Variants in GOLIM4 observed in about 807,000 individuals in gnomAD.
GOLIM4 encodes the protein golgi integral membrane protein 4, also known as 130 kDa golgi-localized phosphoprotein.
Under a neutral mutation model 107.4 loss-of-function variants are expected in GOLIM4, and 71 were observed. That is an observed-to-expected ratio of 0.66 (90% CI 0.55 to 0.81). The LOEUF (loss-of-function observed/expected upper bound fraction) is 0.81, where lower values mean the gene tolerates loss of function less well. GOLIM4 is among the 30% of genes least tolerant of loss of function. The pLI, the probability that GOLIM4 is intolerant of heterozygous loss-of-function variation, is 0.00. For synonymous variants in GOLIM4, 327 were observed against 294.8 expected (o/e 1.11, Z -1.12); for missense variants, 830 against 826.1 (o/e 1.00, Z -0.06).
intron 1 of GOLIM4, among the ~76,000 whole-genome samples, chr3:168,073,024 T>G (rs1720911924): frequency 6.6e-6 from 1 of 152,234 alleles, no homozygotes; most frequent in African/African-American, 2.4e-5. Context: ...CTAATTTTTT[T>G]GTTGTTGCTA....
chr3:168,085,786 C>T (rs1039367299), intron 1 of GOLIM4, among the ~76,000 whole-genome samples: 1 of 152,130 alleles, frequency 6.6e-6, no homozygotes, highest in Non-Finnish European at 1.5e-5. Context: ...ACTTCAAATT[C>T]CTATTGACAG....
At chr3:168,033,625 AAAAAAAAAAAAAAAAAG>A (rs1420178771) in intron 8 of GOLIM4, among the ~76,000 whole-genome samples, 3 of 145,926 alleles carry the variant, frequency 2.1e-5, no homozygotes, top group Non-Finnish European at 3.0e-5. Flanking sequence ...AAAAAAAAAA[AAAAAAAAAAAAAAAAAG>A]AATGCCATTA....
chr3:168,090,647 A>T (rs1362054321), intron 1 of GOLIM4, among the ~76,000 whole-genome samples: 1 of 147,368 alleles, frequency 6.8e-6, no homozygotes, highest in African/African-American at 2.6e-5. Context: ...GCTACCATTC[A>T]CTCCAGCAAT....
intron 14 of GOLIM4, among the ~76,000 whole-genome samples, chr3:168,017,363 C>T (rs1321213797): frequency 1.3e-5 from 2 of 152,064 alleles, no homozygotes; most frequent in East Asian, 1.9e-4. Context: ...TAGTGGTGCA[C>T]GCCTGTAGTC....
chr3:168,081,223 G>C lies in GOLIM4; in HGVS notation c.187+13876C>G, dbSNP rs534673059. Reference sequence around the variant, plus strand: ...TGCCAGAGATATTAACAAAGAGAAAGGGTAGTGAAGCTGAATTCTCCCCAG... The same window carrying C: ...TGCCAGAGATATTAACAAAGAGAAACGGTAGTGAAGCTGAATTCTCCCCAG... On this transcript the variant is annotated intron_variant, in intron 1 of 15. Transcript: ENST00000470487. Among the ~76,000 whole-genome samples, 6 of 152,272 alleles carry C rather than the reference G, an allele frequency of 3.9e-5. No individual in the cohort carries two copies. In the East Asian group the frequency reaches 1.2e-3, roughly 29 times the overall value.
chr3:168,077,968 G>A (rs1172716709), intron 1 of GOLIM4, among the ~76,000 whole-genome samples: 1 of 151,864 alleles, frequency 6.6e-6, no homozygotes, highest in Admixed American at 6.6e-5. Flanking sequence ...ATATACTCTA[G>A]ATATATTTAT....
At chr3:168,025,778 T>C (rs1477288338) in intron 12 of GOLIM4, among the ~76,000 whole-genome samples, 1 of 152,168 alleles carries the variant, frequency 6.6e-6, no homozygotes, top group African/African-American at 2.4e-5. Context: ...TTATGAAAAA[T>C]GTCCTCCCAA....
chr3:168,047,266 A>G (rs925078990), intron 2 of GOLIM4, among the ~76,000 whole-genome samples: 1 of 152,230 alleles, frequency 6.6e-6, no homozygotes, highest in African/African-American at 2.4e-5. Context: ...CTTTTAGAAT[A>G]TCTCTGATTA....
At chr3:168,041,187 C>T in intron 6 of GOLIM4, 1 of 529,416 alleles carries the variant, frequency 1.9e-6, no homozygotes, top group Middle Eastern at 4.9e-4. Flanking sequence ...AATTTCAGTA[C>T]TAATGAGAAT....
At chr3:168,066,510 A>G (rs1418618821) in intron 1 of GOLIM4, among the ~76,000 whole-genome samples, 1 of 152,166 alleles carries the variant, frequency 6.6e-6, no homozygotes, top group Non-Finnish European at 1.5e-5. Flanking sequence ...CAGTTATTCC[A>G]CTAAAGATCT....
chr3:168,020,304 C>T, intron 14 of GOLIM4, among the ~76,000 whole-genome samples: 1 of 152,084 alleles, frequency 6.6e-6, no homozygotes, highest in East Asian at 1.9e-4. Context: ...CATATATACA[C>T]AGATAGGAGT....
At chr3:168,046,826 G>T in intron 3 of GOLIM4, 124 bp downstream of exon 3, 2 of 465,464 alleles carry the variant, frequency 4.3e-6, no homozygotes, top group Non-Finnish European at 3.8e-6. Context: ...AAAAGGGGGT[G>T]TCAGTCCTAT....
In GOLIM4 at chr3:168,095,102, G is replaced by C; in HGVS notation, c.184C>G (p.Gln62Glu). ...QHQESLSAQLQVVYEHRSRLE... is the reference protein window; with the variant it reads ...QHQESLSAQLEVVYEHRSRLE... Reference sequence around the variant, plus strand: ...GCGCGCGTCCCGTTAGCCGTACCTTGTAACTGGGCGGAGAGGGACTCCTGG... The same window carrying C: ...GCGCGCGTCCCGTTAGCCGTACCTTCTAACTGGGCGGAGAGGGACTCCTGG... The change falls in exon 1 of 16, where the codon CAA (glutamine) becomes GAA (glutamate). Residue 62 changes from glutamine to glutamate, a missense_variant. Gln to Glu is a conservative substitution (Grantham distance 29). Transcript: ENST00000470487. 1 of 1,599,158 alleles carries C rather than the reference G, an allele frequency of 6.3e-7. No individual in the cohort carries two copies. The highest frequency in any genetic ancestry group is 1.3e-5 in the African/African-American group (1 of 74,634).
chr3:168,020,857 C>CCT (rs1717640256), intron 14 of GOLIM4, among the ~76,000 whole-genome samples: 2 of 152,152 alleles, frequency 1.3e-5, no homozygotes, highest in South Asian at 4.1e-4. Context: ...TGTAAAGGAA[C>CCT]AAAATGATAT....
chr3:168,087,991 T>C (rs1721712015), intron 1 of GOLIM4, among the ~76,000 whole-genome samples: 2 of 152,224 alleles, frequency 1.3e-5, no homozygotes, highest in East Asian at 3.8e-4. Context: ...ATATAGTTTA[T>C]CATTTTTCTT....
intron 1 of GOLIM4, among the ~76,000 whole-genome samples, chr3:168,092,751 C>T (rs1176389569): frequency 6.6e-6 from 1 of 152,074 alleles, no homozygotes; most frequent in African/African-American, 2.4e-5. Flanking sequence ...AAAAGGGAAG[C>T]AAAAGTTGCA....
Position 168,046,584 on chromosome 3 carries a change from T to C in GOLIM4, c.312+366A>G, listed in dbSNP as rs140213126. 9.0e-3 allele frequency among the ~76,000 whole-genome samples: 1,365 copies of C among 152,322 alleles called. 18 individuals carry two copies. Among genetic ancestry groups the C allele is most frequent in the African/African-American group, 0.031 (1,304 of 41,564 alleles). On this transcript the variant is annotated intron_variant, in intron 3 of 15. Coordinates refer to ENST00000470487, the MANE Select transcript of GOLIM4 (RefSeq NM_014498.5). ...CCTTCACCCATTCCACAAATGTTCT[T>C]AAATGAAAACTCTAGGCCAGGTCCT...
rs1218000582 is a variant in GOLIM4 at position 168,016,409 on chromosome 3, T to A, written c.1861-5586A>T. Among the ~76,000 whole-genome samples, 4 of 130,602 alleles carry A rather than the reference T, an allele frequency of 3.1e-5. 1 individual carries two copies. 85.7% of individuals were successfully genotyped at this position (130,602 alleles called of 152,430 possible). A position where few individuals can be genotyped will look rare whatever the true frequency, so the allele number is the denominator to read the frequency against. Reference sequence around the variant, plus strand: ...AGGAAACAACAGGTGCTGGAGAGGATGTGGAGAAATAGGAACGCTTTTACA... The same window carrying A: ...AGGAAACAACAGGTGCTGGAGAGGAAGTGGAGAAATAGGAACGCTTTTACA... On this transcript the variant is annotated intron_variant, in intron 14 of 15. Transcript: ENST00000470487.
intron 13 of GOLIM4, 45 bp downstream of exon 13, chr3:168,024,883 A>T: frequency 6.5e-7 from 1 of 1,550,126 alleles, no homozygotes; most frequent in Non-Finnish European, 8.9e-7. Flanking sequence ...GATGTTTCTT[A>T]AAATAGCCCA....
Sources: gnomAD v4.1 joint callset for allele counts (sites outside exome capture counted in the v4.1 genomes callset) on GRCh38, gnomAD v4.1.1 for gene constraint, MANE v1.5 for transcripts, NCBI Gene and HGNC (gene_info 2026-07-23, HGNC 2026-07-21) for gene names.